The following RAP2A variants were observed in gnomAD, a reference collection of about 807,000 sequenced individuals.
The protein encoded by RAP2A is RAP2A, member of RAS oncogene family.
A neutral mutation model predicts 15.1 loss-of-function variants in RAP2A; 5 were observed. The observed-to-expected ratio is 0.33, with a 90% CI of 0.17 to 0.70. The LOEUF (loss-of-function observed/expected upper bound fraction) is 0.70. Ranked by LOEUF, RAP2A falls within the 30% of genes least tolerant of loss-of-function variation. The probability of loss-of-function intolerance (pLI) is 0.68; values close to 1 mark genes in which losing one functional copy is unlikely to be tolerated. For missense variants in RAP2A, 111 were observed against 240.3 expected, an observed-to-expected ratio of 0.46 and a Z score of 3.56; for synonymous variants, 110 against 99.7, an observed-to-expected ratio of 1.10 and a Z score of -0.62.
At chr13:97,434,831 C>A in intron 1 of RAP2A, 47 bp downstream of exon 1, 2 of 1,599,402 alleles carry the variant, frequency 1.3e-6, no homozygotes, top group Non-Finnish European at 1.7e-6. Context: ...CCGGAGTCAC[C>A]GTCCCGGGGC....
chr13:97,453,491 G>A (rs188437554), intron 1 of RAP2A, among the ~76,000 whole-genome samples: 3 of 151,310 alleles, frequency 2.0e-5, no homozygotes, highest in East Asian at 3.9e-4. Context: ...TAACCTGTTC[G>A]GATTGGCCCT....
At chr13:97,464,099 G>A (rs77669095) in intron 1 of RAP2A, 106 bp from the exon 2 acceptor site, 12,135 of 961,746 alleles carry the variant, frequency 0.013, 89 homozygotes, top group Non-Finnish European at 0.016. Context: ...TGCAACTGAA[G>A]ATACCATTTA....
intron 1 of RAP2A, among the ~76,000 whole-genome samples, chr13:97,460,712 C>T (rs2066742650): frequency 6.6e-6 from 1 of 152,262 alleles, no homozygotes; most frequent in Non-Finnish European, 1.5e-5. Context: ...CAATCCAGAG[C>T]CTTCTTAGAA....
In RAP2A at chr13:97,461,256, A is replaced by T. The variant is rs60109203; in HGVS notation, c.315-2949A>T. 1.6e-3 allele frequency among the ~76,000 whole-genome samples: 251 copies of T among 152,340 alleles called. 1 individual carries two copies. Among genetic ancestry groups the T allele is most frequent in the African/African-American group, 5.6e-3 (234 of 41,578 alleles). On this transcript the variant is annotated intron_variant, in intron 1 of 1. Coordinates refer to ENST00000245304, the MANE Select transcript of RAP2A (RefSeq NM_021033.7). Reference sequence around the variant, plus strand: ...TTTCTACTGTCCCAAATTTTAACAGAGAGACAAAATTTATCACCGTCTGGT... The same window carrying T: ...TTTCTACTGTCCCAAATTTTAACAGTGAGACAAAATTTATCACCGTCTGGT...
Position 97,464,512 on chromosome 13 carries a change from C to CTGCAGAACT in RAP2A, c.*78_*86dup, listed in dbSNP as rs1220568794. On this transcript the variant is annotated 3_prime_UTR_variant, in exon 2 of 2. Transcript: ENST00000245304. ...GGTGATAGAAAACTCGCCTACTCCA[C>CTGCAGAACT]TGCAGAACTTGCAGAATGCGTGGTG... is the stretch of plus-strand genomic sequence containing the variant. The CTGCAGAACT allele has an allele frequency of 7.9e-6, 11 of 1,393,272 alleles. 1 individual carries two copies. In the Middle Eastern group the frequency reaches 7.4e-4, roughly 94 times the overall value. The allele number at this position is 1,393,272 out of a possible 1,614,324, so 86.3% of individuals were successfully genotyped here. A position where few individuals can be genotyped will look rare whatever the true frequency, so the allele number is the denominator to read the frequency against.
chr13:97,436,857 C>T (rs1167555799), intron 1 of RAP2A, among the ~76,000 whole-genome samples: 2 of 152,146 alleles, frequency 1.3e-5, no homozygotes, highest in Non-Finnish European at 2.9e-5. Context: ...TACATAAGAA[C>T]CTCTTGGACC....
chr13:97,449,385 C>T (rs768355167), intron 1 of RAP2A, among the ~76,000 whole-genome samples: 2 of 152,092 alleles, frequency 1.3e-5, no homozygotes, highest in Non-Finnish European at 1.5e-5. Flanking sequence ...GAAATGAAAG[C>T]GTTTTTGTAG....
In RAP2A at chr13:97,467,013, T is replaced by C. The variant is rs2066774912; in HGVS notation, c.*2571T>C. On this transcript the variant is annotated 3_prime_UTR_variant, in exon 2 of 2. Coordinates refer to ENST00000245304, the MANE Select transcript of RAP2A (RefSeq NM_021033.7). ...TAGTGGCTACAGAAGAAAGTTGACC[T>C]TGTGTCACTATTTATTTTATGCCCT... is the stretch of plus-strand genomic sequence containing the variant. 1 of 152,538 alleles carries C rather than the reference T, an allele frequency of 6.6e-6. No individual in the cohort carries two copies. Among genetic ancestry groups the C allele is most frequent in the Non-Finnish European group, 1.5e-5 (1 of 68,032 alleles). The allele number at this position is 152,538 out of a possible 1,614,324, so 9.4% of individuals were successfully genotyped here. A position where few individuals can be genotyped will look rare whatever the true frequency, so the allele number is the denominator to read the frequency against.
At chr13:97,455,907 CCA>C (rs1347372059) in intron 1 of RAP2A, among the ~76,000 whole-genome samples, 5 of 151,368 alleles carry the variant, frequency 3.3e-5, no homozygotes, top group Admixed American at 2.0e-4. Flanking sequence ...TTCTGCACTG[CCA>C]CACAGTTCTT....
chr13:97,437,444 C>G (rs2066639307), intron 1 of RAP2A: 1 of 152,156 alleles, frequency 6.6e-6, no homozygotes, highest in Non-Finnish European at 1.5e-5. Flanking sequence ...TAGCATGCAC[C>G]TTCCAGAGTC....
intron 1 of RAP2A, among the ~76,000 whole-genome samples, chr13:97,451,652 G>T (rs1242586589): frequency 1.5e-5 from 2 of 129,844 alleles, no homozygotes; most frequent in Non-Finnish European, 1.8e-5. Context: ...ATCTTTTGGT[G>T]AATGAATATG....
chr13:97,455,776 G>A (rs1323069493), intron 1 of RAP2A, among the ~76,000 whole-genome samples: 2 of 151,376 alleles, frequency 1.3e-5, no homozygotes, highest in East Asian at 3.9e-4. Flanking sequence ...ACAGAATTAG[G>A]GAATCTTTTT....
At chr13:97,462,196 C>G (rs1243176670) in intron 1 of RAP2A, among the ~76,000 whole-genome samples, 2 of 150,846 alleles carry the variant, frequency 1.3e-5, no homozygotes, top group Non-Finnish European at 2.9e-5. Context: ...TAAATTCAAC[C>G]AATGTTTTAC....
chr13:97,435,021 T>A (rs1303767834), intron 1 of RAP2A, among the ~76,000 whole-genome samples: 1 of 152,216 alleles, frequency 6.6e-6, no homozygotes, highest in East Asian at 1.9e-4. Context: ...TGGACGTTGT[T>A]AGCATTGCTT....
chr13:97,464,221 G>T lies in RAP2A; in HGVS notation c.331G>T (p.Val111Phe). Reference sequence around the variant, plus strand: ...CTCTCATAGGTATGAGAAAGTGCCAGTCATCTTGGTTGGGAACAAAGTGGA... The same window carrying T: ...CTCTCATAGGTATGAGAAAGTGCCATTCATCTTGGTTGGGAACAAAGTGGA... ...IRVKRYEKVP[V>F]ILVGNKVDLE... The change falls in exon 2 of 2, where the codon GTC becomes TTC. Residue 111 changes from valine (V) to phenylalanine (F), a missense_variant. Physicochemically the swap from Val to Phe is conservative, Grantham distance 50. Around this residue, in one of 3 missense-constraint regions of RAP2A, gnomAD observed 74 missense variants for 132.3 expected, o/e 0.56. Transcript: ENST00000245304. 6.2e-7 allele frequency: 1 copy of T among 1,614,180 alleles called. No homozygotes were observed. The highest frequency in any genetic ancestry group is 8.5e-7 in the Non-Finnish European group (1 of 1,180,030).
intron 1 of RAP2A, among the ~76,000 whole-genome samples, chr13:97,460,565 G>C (rs2066741981): frequency 6.6e-6 from 1 of 151,988 alleles, no homozygotes; most frequent in African/African-American, 2.4e-5. Flanking sequence ...AGCAACACCA[G>C]CTTCCTCATG....
chr13:97,452,816 G>T (rs1333930013), intron 1 of RAP2A, among the ~76,000 whole-genome samples: 2 of 151,274 alleles, frequency 1.3e-5, no homozygotes, highest in African/African-American at 4.9e-5. Context: ...TTACATTTCT[G>T]TAAGCATTGG....
intron 1 of RAP2A, among the ~76,000 whole-genome samples, chr13:97,462,190 T>C (rs1366832880): frequency 6.6e-6 from 1 of 151,434 alleles, no homozygotes; most frequent in Non-Finnish European, 1.5e-5. Flanking sequence ...TTAACTTAAA[T>C]TCAACCAATG....
chr13:97,460,828 G>A (rs892455066), intron 1 of RAP2A, among the ~76,000 whole-genome samples: 2 of 152,166 alleles, frequency 1.3e-5, no homozygotes, highest in African/African-American at 4.8e-5. Flanking sequence ...TCAGCACAGG[G>A]ACTCTGGAGA....
Sources: gnomAD v4.1 joint callset for allele counts (sites outside exome capture counted in the v4.1 genomes callset) on GRCh38, gnomAD v4.1.1 for gene constraint, gnomAD v4.1.1 regional missense constraint, MANE v1.5 for transcripts, NCBI Gene and HGNC (gene_info 2026-07-23, HGNC 2026-07-21) for gene names.